The following CALM2 variants were observed in gnomAD, a reference collection of about 807,000 sequenced individuals.
CALM2 encodes the protein calmodulin 2.
Under a neutral mutation model 19.8 loss-of-function variants are expected in CALM2, and 2 were observed. That is an observed-to-expected ratio of 0.10 (90% confidence interval 0.04 to 0.32). The LOEUF is 0.32. CALM2 is among the 10% of genes least tolerant of loss of function. CALM2 has a pLI of 1.00. For synonymous variants in CALM2, 51 were observed against 52.1 expected (o/e 0.98, Z 0.09); for missense variants, 38 against 178.7 (o/e 0.21, Z 4.49).
chr2:47,172,528 C>G, intron 1 of CALM2: 1 of 1,170,532 alleles, frequency 8.5e-7, no homozygotes, highest in Non-Finnish European at 1.1e-6. Context: ...AAATATCAAC[C>G]TGACTAGCTC....
At chr2:47,161,898 G>C in intron 4 of CALM2, 40 bp from the exon 5 acceptor site, 1 of 1,544,304 alleles carries the variant, frequency 6.5e-7, no homozygotes, top group Non-Finnish European at 8.8e-7. Flanking sequence ...TCAAATTACA[G>C]ACTTGAGAGT....
At chr2:47,165,139 T>C (rs542568695) in intron 2 of CALM2, among the ~76,000 whole-genome samples, 16 of 152,300 alleles carry the variant, frequency 1.1e-4, no homozygotes, top group South Asian at 2.1e-4. Flanking sequence ...CACCTGAAAA[T>C]GCTGAGTTTA....
intron 2 of CALM2, among the ~76,000 whole-genome samples, chr2:47,170,397 T>C (rs1271208420): frequency 2.0e-5 from 3 of 152,192 alleles, no homozygotes; most frequent in African/African-American, 2.4e-5. Context: ...TGGCCTCCTT[T>C]TCTAGCGTGT....
In CALM2 at chr2:47,160,716, C is replaced by T. The variant is rs769849234; in HGVS notation, c.*60G>A. ...AAACCTTTTACAGATAAGTTACAAA[C>T]AAAGAAAAGGCAAATAAACAATTTT... On this transcript the variant is annotated 3_prime_UTR_variant, in exon 6 of 6. Transcript: ENST00000272298. The T allele has an allele frequency of 2.0e-6, 2 of 993,832 alleles. No individual in the cohort carries two copies. Among genetic ancestry groups the T allele is most frequent in the Non-Finnish European group, 2.9e-6 (2 of 685,642 alleles). The allele number at this position is 993,832 out of a possible 1,614,324, so 61.6% of individuals were successfully genotyped here. A position where few individuals can be genotyped will look rare whatever the true frequency, so the allele number is the denominator to read the frequency against.
At chr2:47,176,928 C>T (rs1666896720), upstream of CALM2, 4 of 985,348 alleles carry the variant, frequency 4.1e-6, no homozygotes, top group African/African-American at 1.7e-5. Flanking sequence ...CCGCGCTGTC[C>T]TGGCAACTGC....
At chr2:47,166,540 T>C (rs1666479414) in intron 2 of CALM2, among the ~76,000 whole-genome samples, 1 of 152,218 alleles carries the variant, frequency 6.6e-6, no homozygotes, top group Non-Finnish European at 1.5e-5. Context: ...CTAATACCAT[T>C]TGTTATTCAT....
chr2:47,176,804 T>TC (rs537539664), upstream of CALM2: 3 of 985,186 alleles, frequency 3.0e-6, no homozygotes, highest in Non-Finnish European at 3.6e-6. Context: ...CGGCGATGCG[T>TC]CCCCCGTTGG....
intron 1 of CALM2, among the ~76,000 whole-genome samples, chr2:47,176,085 C>CTTCT (rs1666857282): frequency 6.6e-6 from 1 of 152,188 alleles, no homozygotes; most frequent in Non-Finnish European, 1.5e-5. Context: ...AGACGCCCGA[C>CTTCT]AGAAGGCTCT....
upstream of CALM2, chr2:47,176,871 G>A: frequency 4.1e-6 from 4 of 985,400 alleles, no homozygotes; most frequent in Non-Finnish European, 4.8e-6. Flanking sequence ...ACTGGGACTC[G>A]CAGCCGCCGC....
chr2:47,175,804 G>T (rs1270677734), intron 1 of CALM2, among the ~76,000 whole-genome samples: 2 of 148,038 alleles, frequency 1.4e-5, no homozygotes, highest in African/African-American at 2.4e-5. Flanking sequence ...TCCGGGTCCC[G>T]CGAGGCGCTC....
At chr2:47,174,784 G>A (rs1486431189) in intron 1 of CALM2, among the ~76,000 whole-genome samples, 9 of 151,950 alleles carry the variant, frequency 5.9e-5, no homozygotes, top group Non-Finnish European at 1.0e-4. Flanking sequence ...AACTTGTAAT[G>A]TTTATTACAT....
chr2:47,164,965 T>C (rs1666415871), intron 2 of CALM2, among the ~76,000 whole-genome samples: 1 of 152,222 alleles, frequency 6.6e-6, no homozygotes. Flanking sequence ...CATTACCACA[T>C]AAATATCTTC....
chr2:47,162,984 A>G (rs1254598721), intron 2 of CALM2: 1 of 179,452 alleles, frequency 5.6e-6, no homozygotes, highest in East Asian at 1.5e-4. Flanking sequence ...CCTAAGTAAA[A>G]TTATCCTAGG....
intron 2 of CALM2, 138 bp downstream of exon 2, chr2:47,170,596 G>A: frequency 1.4e-6 from 1 of 733,768 alleles, no homozygotes; most frequent in South Asian, 1.6e-5. Context: ...TTGAATTACT[G>A]TATTATATTA....
At chr2:47,171,088 T>C (rs1411616190) in intron 1 of CALM2, 3 of 217,316 alleles carry the variant, frequency 1.4e-5, no homozygotes, top group African/African-American at 4.6e-5. Context: ...TCACCAGAAA[T>C]TCCCACTGAA....
intron 2 of CALM2, among the ~76,000 whole-genome samples, chr2:47,165,367 G>C (rs1666429958): frequency 6.6e-6 from 1 of 152,008 alleles, no homozygotes; most frequent in South Asian, 2.1e-4. Flanking sequence ...CAGTAAGTGG[G>C]GTGACACAGT....
intron 1 of CALM2, 37 bp downstream of exon 1, chr2:47,176,404 C>G (rs533301274): frequency 8.1e-6 from 13 of 1,611,494 alleles, no homozygotes; most frequent in East Asian, 6.7e-5. Flanking sequence ...CTCTTCCCCC[C>G]ACAGGCCCAG....
chr2:47,172,845 G>C (rs1264775315), intron 1 of CALM2: 1 of 145,498 alleles, frequency 6.9e-6, no homozygotes. Context: ...ACTTTGGGAA[G>C]GCTACTATAT....
At chr2:47,176,378 G>C (rs766067628) in intron 1 of CALM2, 63 bp downstream of exon 1, 74 of 1,596,676 alleles carry the variant, frequency 4.6e-5, no homozygotes, top group Admixed American at 6.7e-5. Context: ...CCTTTGTTTA[G>C]TCAGTTCGCT....
Sources: allele counts gnomAD v4.1 joint callset (sites outside exome capture counted in the v4.1 genomes callset), GRCh38; gene constraint gnomAD v4.1.1; transcripts MANE v1.5; gene names NCBI Gene and HGNC (gene_info 2026-07-23, HGNC 2026-07-21).